The following INTS9 variants were observed in gnomAD, a reference collection of about 807,000 sequenced individuals.
INTS9 encodes the protein integrator complex subunit 9.
INTS9 carries 55 observed loss-of-function variants against 79.7 expected under a neutral mutation model. That is an observed-to-expected ratio of 0.69 (90% CI 0.56 to 0.86). INTS9 has a LOEUF of 0.86. Ranked by LOEUF, INTS9 falls within the 40% of genes least tolerant of loss-of-function variation. INTS9 has a pLI of 0.00. For synonymous variants in INTS9, 319 were observed against 325.2 expected (o/e 0.98, Z 0.20); for missense variants, 721 against 831.5 (o/e 0.87, Z 1.64).
At chr8:28,828,556 G>A (rs1806282601) in intron 6 of INTS9, among the ~76,000 whole-genome samples, 1 of 152,188 alleles carries the variant, frequency 6.6e-6, no homozygotes, top group Non-Finnish European at 1.5e-5. Context: ...AAACAGATCT[G>A]AAATTCAAAT....
chr8:28,785,620 C>T lies in INTS9; in HGVS notation c.1098+2209G>A, dbSNP rs76638160. ...ATCTTACAGCCTCATCTTGTATTTT[C>T]CAAAGAGGCCTGGTTCCTTTTAGTG... On this transcript the variant is annotated intron_variant, in intron 11 of 16. Transcript: ENST00000521022. 6.4e-3 allele frequency among the ~76,000 whole-genome samples: 975 copies of T among 152,266 alleles called. 7 individuals carry two copies. Among genetic ancestry groups the T allele is most frequent in the African/African-American group, 0.023 (940 of 41,544 alleles).
chr8:28,869,244 G>A lies in INTS9; in HGVS notation c.10-9681C>T, dbSNP rs371546412. ...TAAAATAGAGATGGGGTTTTGCCAT[G>A]TTGCCCAGGCTGGTGTCGAACTTCT... On this transcript the variant is annotated intron_variant, in intron 1 of 16. Coordinates refer to ENST00000521022, the MANE Select transcript of INTS9 (RefSeq NM_018250.4). Among the ~76,000 whole-genome samples, 33 of 152,166 alleles carry A rather than the reference G, an allele frequency of 2.2e-4. 1 individual carries two copies. The highest frequency in any genetic ancestry group is 7.9e-4 in the African/African-American group (33 of 41,524).
At chr8:28,849,886 C>A (rs1193948804) in intron 3 of INTS9, 2 of 219,112 alleles carry the variant, frequency 9.1e-6, no homozygotes, top group Admixed American at 5.7e-5. Flanking sequence ...GGATTGAATT[C>A]TTTAAAAAGC....
At chr8:28,795,208 ATG>A (rs1158777005) in intron 9 of INTS9, among the ~76,000 whole-genome samples, 1 of 152,156 alleles carries the variant, frequency 6.6e-6, no homozygotes, top group African/African-American at 2.4e-5. Flanking sequence ...TACGGACTGA[ATG>A]TGTGTGTCCC....
At chr8:28,824,998 A>G (rs778403309) in intron 6 of INTS9, among the ~76,000 whole-genome samples, 6 of 152,222 alleles carry the variant, frequency 3.9e-5, no homozygotes, top group Non-Finnish European at 7.3e-5. Context: ...CCCCAGAAGC[A>G]CATGCATTTC....
chr8:28,832,460 G>A (rs548144966), intron 6 of INTS9, among the ~76,000 whole-genome samples: 64 of 152,190 alleles, frequency 4.2e-4, no homozygotes, highest in African/African-American at 1.5e-3. Context: ...CTACTTCCTC[G>A]TCCCCTGACA....
intron 1 of INTS9, among the ~76,000 whole-genome samples, chr8:28,873,023 A>G (rs1000418379): frequency 2.0e-5 from 3 of 152,180 alleles, no homozygotes; most frequent in Middle Eastern, 3.4e-3. Context: ...GTATATTCTG[A>G]AAATTTTTTC....
At chr8:28,806,897 T>C (rs757695389) in intron 8 of INTS9, among the ~76,000 whole-genome samples, 1 of 152,250 alleles carries the variant, frequency 6.6e-6, no homozygotes, top group Non-Finnish European at 1.5e-5. Context: ...TTGCTTTAAA[T>C]ACATTTATCG....
intron 15 of INTS9, among the ~76,000 whole-genome samples, chr8:28,770,757 C>T (rs1041529046): frequency 5.3e-5 from 8 of 152,246 alleles, no homozygotes; most frequent in Non-Finnish European, 8.8e-5. Flanking sequence ...CTCCCCACAG[C>T]CCTGCCTCGC....
Position 28,838,983 on chromosome 8 carries a change from G to C in INTS9, c.262-1207C>G, listed in dbSNP as rs867207351. On this transcript the variant is annotated intron_variant, in intron 4 of 16. Coordinates refer to ENST00000521022, the MANE Select transcript of INTS9 (RefSeq NM_018250.4). Reference sequence around the variant, plus strand: ...GCAGCTTTATTAGCAGCATGTTCTGGGAGAAGTGAGACACCATGGTTCAGA... The same window carrying C: ...GCAGCTTTATTAGCAGCATGTTCTGCGAGAAGTGAGACACCATGGTTCAGA... Among the ~76,000 whole-genome samples the C allele has an allele frequency of 2.6e-5, 4 of 152,164 alleles. No homozygotes were observed. In the South Asian group the frequency reaches 6.2e-4, roughly 24 times the overall value.
intron 1 of INTS9, chr8:28,862,107 G>T (rs183619845): frequency 7.1e-6 from 7 of 985,316 alleles, no homozygotes; most frequent in Non-Finnish European, 6.0e-6. Flanking sequence ...TACAGGAGGC[G>T]CTTGCAAAGG....
At chr8:28,845,384 G>T (rs1807448028) in intron 4 of INTS9, among the ~76,000 whole-genome samples, 1 of 152,098 alleles carries the variant, frequency 6.6e-6, no homozygotes, top group African/African-American at 2.4e-5. Flanking sequence ...TTAAAACAGT[G>T]ACTATTACTA....
At chr8:28,783,182 C>G (rs1298583489) in intron 11 of INTS9, among the ~76,000 whole-genome samples, 1 of 150,628 alleles carries the variant, frequency 6.6e-6, no homozygotes, top group Non-Finnish European at 1.5e-5. Flanking sequence ...AGCAGGTGCC[C>G]CGCAGCCTCA....
At chr8:28,825,034 C>T (rs896825958) in intron 6 of INTS9, among the ~76,000 whole-genome samples, 12 of 152,198 alleles carry the variant, frequency 7.9e-5, no homozygotes, top group Non-Finnish European at 1.3e-4. Context: ...TGGACTCCAC[C>T]CCAGGGTGAT....
intron 4 of INTS9, among the ~76,000 whole-genome samples, chr8:28,841,051 T>A (rs17451136): frequency 0.017 from 2,571 of 151,778 alleles, 36 homozygotes; most frequent in Middle Eastern, 0.035. Flanking sequence ...GCTGAGTAAC[T>A]TTACAAATAA....
chr8:28,769,852 G>T, intron 16 of INTS9, 37 bp downstream of exon 16: 1 of 1,610,192 alleles, frequency 6.2e-7, no homozygotes, highest in Non-Finnish European at 8.5e-7. Flanking sequence ...AGGCTGCCAC[G>T]TGTGGAGTTT....
At chr8:28,836,251 G>A (rs1325904209) in intron 5 of INTS9, among the ~76,000 whole-genome samples, 5 of 152,240 alleles carry the variant, frequency 3.3e-5, no homozygotes, top group Admixed American at 6.5e-5. Context: ...GAGATGAGAC[G>A]GAGTACCACA....
At chr8:28,858,381 C>T (rs1195183745) in intron 2 of INTS9, among the ~76,000 whole-genome samples, 2 of 152,084 alleles carry the variant, frequency 1.3e-5, no homozygotes, top group Non-Finnish European at 2.9e-5. Flanking sequence ...ATCAAACAAA[C>T]AAACATTTTG....
At chr8:28,853,335 C>T (rs1272790954) in intron 2 of INTS9, among the ~76,000 whole-genome samples, 1 of 151,448 alleles carries the variant, frequency 6.6e-6, no homozygotes, top group Non-Finnish European at 1.5e-5. Context: ...ATCACTTGAA[C>T]CTGGGAGGCA....
Sources: allele counts gnomAD v4.1 joint callset (sites outside exome capture counted in the v4.1 genomes callset), GRCh38; gene constraint gnomAD v4.1.1; transcripts MANE v1.5; gene names NCBI Gene and HGNC (gene_info 2026-07-23, HGNC 2026-07-21).